Variants in DNAAF9 observed in about 807,000 individuals in gnomAD.
DNAAF9 encodes dynein axonemal assembly factor 9, also known as shulin.
Under a neutral mutation model 167.0 loss-of-function variants are expected in DNAAF9, and 90 were observed. The ratio of observed to expected loss-of-function variants is 0.54; its 90% CI spans 0.45 to 0.64. The LOEUF is 0.64. Ranked by LOEUF, DNAAF9 falls within the 30% of genes least tolerant of loss-of-function variation. The pLI, the probability that DNAAF9 is intolerant of heterozygous loss-of-function variation, is 0.00. For synonymous variants in DNAAF9, 491 were observed against 508.8 expected (o/e 0.96, Z 0.47); for missense variants, 1,315 against 1,442.2 (o/e 0.91, Z 1.43).
In DNAAF9 at chr20:3,298,076, T is replaced by G. The variant is rs1485477318; in HGVS notation, c.1882A>C (p.Ile628Leu). 1 of 1,613,152 alleles carries G rather than the reference T, an allele frequency of 6.2e-7. No individual in the cohort carries two copies. Among genetic ancestry groups the G allele is most frequent in the African/African-American group, 1.3e-5 (1 of 74,904 alleles). ...HFHGSSNFLMIALFPKSKIYQ... is the reference protein window; with the variant it reads ...HFHGSSNFLMLALFPKSKIYQ... ...ATCTTCGATTTGGGGAAAAGGGCAATCATCAGAAAATTGCTTGATCCATGG... is the reference window on the plus strand; with the variant it reads ...ATCTTCGATTTGGGGAAAAGGGCAAGCATCAGAAAATTGCTTGATCCATGG... Residue 628 changes from isoleucine (I) to leucine (L), a missense_variant, in exon 22 of 37, where the codon ATT becomes CTT. Transcript: ENST00000252032.
At chr20:3,359,713 A>C (rs1030657243) in intron 6 of DNAAF9, 120 bp from the exon 7 acceptor site, 5 of 649,204 alleles carry the variant, frequency 7.7e-6, no homozygotes, top group Non-Finnish European at 1.0e-5. Flanking sequence ...AGAATAATAA[A>C]TCAAAAATTT....
At chr20:3,340,090 A>G (rs2070048159) in intron 10 of DNAAF9, among the ~76,000 whole-genome samples, 1 of 152,162 alleles carries the variant, frequency 6.6e-6, no homozygotes, top group Non-Finnish European at 1.5e-5. Flanking sequence ...TCTCTCTGGC[A>G]CTCTCAATAA....
intron 1 of DNAAF9, among the ~76,000 whole-genome samples, chr20:3,384,760 C>G (rs564749116): frequency 6.6e-6 from 1 of 151,972 alleles, no homozygotes; most frequent in East Asian, 1.9e-4. Flanking sequence ...ACACTAGGAC[C>G]AAGTGGAATT....
intron 6 of DNAAF9, 81 bp from the exon 7 acceptor site, chr20:3,359,674 T>C: frequency 9.9e-7 from 1 of 1,009,624 alleles, no homozygotes; most frequent in Non-Finnish European, 1.5e-6. Flanking sequence ...TGTTCAGAAA[T>C]GACTCTTTTG....
At chr20:3,302,140 T>C (rs1161267112) in intron 21 of DNAAF9, among the ~76,000 whole-genome samples, 4 of 152,038 alleles carry the variant, frequency 2.6e-5, no homozygotes, top group Non-Finnish European at 5.9e-5. Context: ...GGTTTCACCA[T>C]ATTGGCCAGG....
At chr20:3,319,082 C>CAAAAAAAAAAAAAAAAAA (rs71195834) in intron 16 of DNAAF9, among the ~76,000 whole-genome samples, 2 of 71,136 alleles carry the variant, frequency 2.8e-5, no homozygotes, top group Non-Finnish European at 4.9e-5. Flanking sequence ...GACTCTGTCT[C>CAAAAAAAAAAAAAAAAAA]AAAAAAAAAA....
intron 1 of DNAAF9, among the ~76,000 whole-genome samples, chr20:3,387,065 T>C (rs1313101183): frequency 2.0e-5 from 3 of 152,168 alleles, no homozygotes; most frequent in African/African-American, 7.2e-5. Context: ...GTAGACAATA[T>C]CGTTAAGCTG....
chr20:3,386,830 A>G (rs2083746877), intron 1 of DNAAF9, among the ~76,000 whole-genome samples: 1 of 152,196 alleles, frequency 6.6e-6, no homozygotes, highest in Non-Finnish European at 1.5e-5. Flanking sequence ...CAAAGAGGAT[A>G]CAGAAATGGC....
chr20:3,378,319 T>C (rs183062486), intron 3 of DNAAF9, among the ~76,000 whole-genome samples: 1 of 152,298 alleles, frequency 6.6e-6, no homozygotes, highest in Admixed American at 6.5e-5. Context: ...TGCTTGTCCC[T>C]TTAGGAAGAG....
intron 27 of DNAAF9, 127 bp downstream of exon 27, chr20:3,287,505 T>G (rs1568579419): frequency 4.5e-6 from 4 of 879,516 alleles, no homozygotes; most frequent in Non-Finnish European, 7.4e-6. Flanking sequence ...AAGGCTTCTC[T>G]GTAGCGCAGA....
rs2084082390 is a variant in DNAAF9 at position 3,407,571 on chromosome 20, T to G, written c.-14A>C. ...GTACACGTCCATGGCGGCGGACGAC[T>G]GGCGGCGGAGGAGGACGGTGCAGCT... On this transcript the variant is annotated 5_prime_UTR_variant, in exon 1 of 37. Transcript: ENST00000252032. 8.1e-7 allele frequency: 1 copy of G among 1,232,788 alleles called. No individual in the cohort carries two copies. Among genetic ancestry groups the G allele is most frequent in the East Asian group, 3.2e-5 (1 of 30,902 alleles). The allele number at this position is 1,232,788 out of a possible 1,614,324, so 76.4% of individuals were successfully genotyped here. A position where few individuals can be genotyped will look rare whatever the true frequency, so the allele number is the denominator to read the frequency against.
intron 4 of DNAAF9, among the ~76,000 whole-genome samples, chr20:3,375,500 G>T (rs1158667897): frequency 6.6e-6 from 1 of 151,942 alleles, no homozygotes; most frequent in African/African-American, 2.4e-5. Flanking sequence ...CCCTGAAAAG[G>T]GCCCAAAGGG....
At chr20:3,379,199 A>G (rs66848481) in intron 3 of DNAAF9, among the ~76,000 whole-genome samples, 6,833 of 152,010 alleles carry the variant, frequency 0.045, 463 homozygotes, top group East Asian at 0.16. Flanking sequence ...ACCTAAAGTA[A>G]GCATTCCCCA....
At chr20:3,383,068 G>A (rs1379444679) in intron 1 of DNAAF9, among the ~76,000 whole-genome samples, 2 of 151,974 alleles carry the variant, frequency 1.3e-5, no homozygotes, top group African/African-American at 4.8e-5. Context: ...CAGCCCTAGG[G>A]ACAGCCGTTT....
chr20:3,293,666 C>CAAAAAAA (rs71195830), intron 25 of DNAAF9, among the ~76,000 whole-genome samples: 1 of 85,598 alleles, frequency 1.2e-5, no homozygotes, highest in African/African-American at 4.2e-5. Context: ...GCCTGGGTGA[C>CAAAAAAA]AAAAAAAAAA....
intron 8 of DNAAF9, among the ~76,000 whole-genome samples, chr20:3,346,112 T>C (rs972877150): frequency 6.6e-6 from 1 of 152,262 alleles, no homozygotes; most frequent in Non-Finnish European, 1.5e-5. Flanking sequence ...ACAATACCGA[T>C]ATACTATTTT....
chr20:3,284,454 T>G (rs2068816314), intron 27 of DNAAF9, among the ~76,000 whole-genome samples: 1 of 152,150 alleles, frequency 6.6e-6, no homozygotes, highest in Non-Finnish European at 1.5e-5. Context: ...AGTGCTGGGA[T>G]TACATGTGTG....
intron 1 of DNAAF9, among the ~76,000 whole-genome samples, chr20:3,392,080 G>T (rs1389877087): frequency 6.6e-6 from 1 of 152,144 alleles, no homozygotes; most frequent in Non-Finnish European, 1.5e-5. Flanking sequence ...AGGTTGAGGT[G>T]GGGGGATCAC....
chr20:3,351,082 C>A (rs1315472926), intron 7 of DNAAF9, among the ~76,000 whole-genome samples: 2 of 152,154 alleles, frequency 1.3e-5, no homozygotes, highest in Admixed American at 1.3e-4. Flanking sequence ...AGGAAGTAGT[C>A]TTTTCTCCAA....
Sources: gnomAD v4.1 joint callset for allele counts (sites outside exome capture counted in the v4.1 genomes callset) on GRCh38, gnomAD v4.1.1 for gene constraint, MANE v1.5 for transcripts, NCBI Gene and HGNC (gene_info 2026-07-23, HGNC 2026-07-21) for gene names.